The following ERC2 variants were observed in gnomAD, a reference collection of about 807,000 sequenced individuals.
ERC2 encodes the protein ELKS/RAB6-interacting/CAST family member 2.
A neutral mutation model predicts 114.8 loss-of-function variants in ERC2; 42 were observed. That is an observed-to-expected ratio of 0.37 (90% CI 0.29 to 0.47). The LOEUF is 0.47. Ranked by LOEUF, ERC2 falls within the 20% of genes least tolerant of loss-of-function variation. ERC2 has a pLI of 0.99. For missense variants in ERC2, 939 were observed against 1,150.7 expected (o/e 0.82, Z 2.66); for synonymous variants, 454 against 425.5 (o/e 1.07, Z -0.82).
chr3:56,327,060 C>T (rs1030445651), intron 2 of ERC2, among the ~76,000 whole-genome samples: 2 of 152,214 alleles, frequency 1.3e-5, no homozygotes, highest in African/African-American at 4.8e-5. Flanking sequence ...CCAGCTCCAC[C>T]TGCTGACCAG....
chr3:56,331,741 A>G (rs1359588665), intron 2 of ERC2, among the ~76,000 whole-genome samples: 1 of 152,104 alleles, frequency 6.6e-6, no homozygotes, highest in African/African-American at 2.4e-5. Flanking sequence ...CACTGCAGTA[A>G]CCACCTCACT....
intron 15 of ERC2, among the ~76,000 whole-genome samples, chr3:55,727,906 G>T (rs889626485): frequency 2.6e-5 from 4 of 152,152 alleles, no homozygotes; most frequent in Non-Finnish European, 5.9e-5. Context: ...AAAGTGTCTT[G>T]CAATGTGGCA....
intron 14 of ERC2, among the ~76,000 whole-genome samples, chr3:55,858,486 A>T (rs2061884884): frequency 6.6e-6 from 1 of 152,244 alleles, no homozygotes; most frequent in African/African-American, 2.4e-5. Flanking sequence ...AAATATTTAA[A>T]GGAGGCTCTG....
chr3:56,219,347 G>T (rs536392576), intron 3 of ERC2, among the ~76,000 whole-genome samples: 23 of 151,988 alleles, frequency 1.5e-4, no homozygotes, highest in Middle Eastern at 3.4e-3. Context: ...TGAAAAAGAA[G>T]ACTAAGAAAC....
At chr3:55,975,442 T>G (rs2069508098) in intron 12 of ERC2, among the ~76,000 whole-genome samples, 2 of 152,216 alleles carry the variant, frequency 1.3e-5, no homozygotes, top group South Asian at 4.1e-4. Flanking sequence ...TATTTGTTTC[T>G]TCTGTCTTGC....
chr3:56,155,179 G>A (rs2081630314), intron 4 of ERC2, among the ~76,000 whole-genome samples: 1 of 152,072 alleles, frequency 6.6e-6, no homozygotes, highest in Non-Finnish European at 1.5e-5. Flanking sequence ...ACATCCCCAT[G>A]GTTTTAATAG....
chr3:56,382,079 G>C (rs1216080357), intron 2 of ERC2, among the ~76,000 whole-genome samples: 1 of 151,916 alleles, frequency 6.6e-6, no homozygotes, highest in Non-Finnish European at 1.5e-5. Context: ...TTTTCACCCA[G>C]AAATGGAAAC....
intron 17 of ERC2, among the ~76,000 whole-genome samples, chr3:55,636,932 T>C (rs2059981349): frequency 6.6e-6 from 1 of 152,178 alleles, no homozygotes; most frequent in Non-Finnish European, 1.5e-5. Flanking sequence ...TAGGAGGCCA[T>C]GAGAAGTCAG....
intron 2 of ERC2, among the ~76,000 whole-genome samples, chr3:56,429,330 C>A (rs577606758): frequency 6.6e-6 from 1 of 152,176 alleles, no homozygotes; most frequent in South Asian, 2.1e-4. Flanking sequence ...GGCTACCTCG[C>A]GTAACAGTGT....
chr3:56,333,953 C>T (rs577899319), intron 2 of ERC2, among the ~76,000 whole-genome samples: 79 of 152,276 alleles, frequency 5.2e-4, no homozygotes, highest in African/African-American at 1.8e-3. Flanking sequence ...GTATTTTATG[C>T]CTATTAAACT....
At chr3:55,699,248 A>G in intron 16 of ERC2, 130 bp downstream of exon 16, 1 of 1,158,024 alleles carries the variant, frequency 8.6e-7, no homozygotes. Context: ...AATAAATACC[A>G]AAGCTATTAG....
At chr3:55,769,841 C>A (rs1045632568) in intron 14 of ERC2, among the ~76,000 whole-genome samples, 2 of 152,134 alleles carry the variant, frequency 1.3e-5, no homozygotes, top group African/African-American at 4.8e-5. Context: ...TCTGGAAAGG[C>A]AAGTGAATGG....
intron 1 of ERC2, among the ~76,000 whole-genome samples, chr3:56,449,639 T>C (rs188661887): frequency 5.3e-5 from 8 of 152,378 alleles, no homozygotes; most frequent in Non-Finnish European, 7.3e-5. Context: ...GTCATATTTC[T>C]GTCTTCTGGA....
At chr3:56,373,599 TA>T (rs1442683759) in intron 2 of ERC2, among the ~76,000 whole-genome samples, 2 of 152,184 alleles carry the variant, frequency 1.3e-5, no homozygotes, top group Non-Finnish European at 2.9e-5. Context: ...CACATTGGTG[TA>T]AAGCAAGAGT....
intron 2 of ERC2, among the ~76,000 whole-genome samples, chr3:56,366,366 T>A (rs2059150448): frequency 6.6e-6 from 1 of 152,138 alleles, no homozygotes; most frequent in Non-Finnish European, 1.5e-5. Flanking sequence ...CTTTGGGTGG[T>A]CTTTGTTTAT....
At chr3:56,381,457 A>G (rs1218314742) in intron 2 of ERC2, among the ~76,000 whole-genome samples, 2 of 152,100 alleles carry the variant, frequency 1.3e-5, no homozygotes, top group African/African-American at 4.8e-5. Flanking sequence ...CTGTATTCTC[A>G]ATCTGCATTC....
At chr3:56,215,259 A>G (rs927597141) in intron 3 of ERC2, among the ~76,000 whole-genome samples, 4 of 152,236 alleles carry the variant, frequency 2.6e-5, no homozygotes, top group African/African-American at 9.6e-5. Flanking sequence ...TCTCATGTGT[A>G]GAGACACACA....
chr3:55,779,585 C>T (rs1222532069), intron 14 of ERC2, among the ~76,000 whole-genome samples: 1 of 151,692 alleles, frequency 6.6e-6, no homozygotes, highest in Non-Finnish European at 1.5e-5. Context: ...AAAGAAGAAA[C>T]TGTAGGTCAA....
At chr3:55,769,634 T>C (rs1000682332) in intron 14 of ERC2, among the ~76,000 whole-genome samples, 1 of 152,174 alleles carries the variant, frequency 6.6e-6, no homozygotes, top group Non-Finnish European at 1.5e-5. Context: ...ATAAAAAAAG[T>C]TGAATATCAG....
Sources: allele counts gnomAD v4.1 joint callset (sites outside exome capture counted in the v4.1 genomes callset), GRCh38; gene constraint gnomAD v4.1.1; transcripts MANE v1.5; gene names NCBI Gene and HGNC (gene_info 2026-07-23, HGNC 2026-07-21).